The following RASGRF2 variants were observed in gnomAD, a reference collection of about 807,000 sequenced individuals.
RASGRF2 encodes ras-specific guanine nucleotide-releasing factor 2.
A neutral mutation model predicts 151.0 loss-of-function variants in RASGRF2; 76 were observed. The observed-to-expected ratio is 0.50, with a 90% CI of 0.42 to 0.61. The LOEUF is 0.61. Among genes scored for constraint, RASGRF2 ranks in the 20% least tolerant of loss-of-function variants. The probability of loss-of-function intolerance (pLI) is 0.00; values close to 1 mark genes in which losing one functional copy is unlikely to be tolerated. For synonymous variants in RASGRF2, 504 were observed against 566.5 expected, an observed-to-expected ratio of 0.89 and a Z score of 1.57; for missense variants, 1,148 against 1,564.6, an observed-to-expected ratio of 0.73 and a Z score of 4.49.
intron 18 of RASGRF2, among the ~76,000 whole-genome samples, chr5:81,182,185 A>AG (rs1332676064): frequency 6.6e-6 from 1 of 152,192 alleles, no homozygotes; most frequent in Non-Finnish European, 1.5e-5. Flanking sequence ...TCCCTCCAGC[A>AG]GGGGCATAGG....
intron 18 of RASGRF2, among the ~76,000 whole-genome samples, chr5:81,192,139 T>C (rs1755165193): frequency 6.6e-6 from 1 of 152,224 alleles, no homozygotes; most frequent in Non-Finnish European, 1.5e-5. Flanking sequence ...GTTTGAGGGC[T>C]GACCAGGAGC....
chr5:81,040,658 A>G (rs2112389194), intron 1 of RASGRF2, among the ~76,000 whole-genome samples: 1 of 152,264 alleles, frequency 6.6e-6, no homozygotes, highest in South Asian at 2.1e-4. Flanking sequence ...ACCCCCTTGG[A>G]TGTTAGAACC....
In RASGRF2 at chr5:81,226,041, G is replaced by A; in HGVS notation, c.*271G>A. On this transcript the variant is annotated 3_prime_UTR_variant, in exon 27 of 27. Transcript: ENST00000265080. ...AGGGAATGTCAGATGGGAGATGCTA[G>A]TTGCCATTTTAACAAAGCAGGTAAA... 3.2e-6 allele frequency: 1 copy of A among 317,220 alleles called. No individual in the cohort carries two copies. Among genetic ancestry groups the A allele is most frequent in the Non-Finnish European group, 5.7e-6 (1 of 175,538 alleles). The allele number at this position is 317,220 out of a possible 1,614,324, so 19.7% of individuals were successfully genotyped here. A position where few individuals can be genotyped will look rare whatever the true frequency, so the allele number is the denominator to read the frequency against.
chr5:81,041,634 T>C (rs1750682005), intron 1 of RASGRF2, among the ~76,000 whole-genome samples: 1 of 152,176 alleles, frequency 6.6e-6, no homozygotes, highest in South Asian at 2.1e-4. Flanking sequence ...CTAGCATGAG[T>C]TTGGGAGTCT....
chr5:81,010,555 A>G (rs1178696982), intron 1 of RASGRF2, among the ~76,000 whole-genome samples: 1 of 152,246 alleles, frequency 6.6e-6, no homozygotes. Context: ...GTAAAGTTCT[A>G]GGTAGTGCAC....
At chr5:81,077,551 T>G (rs2112472227) in intron 5 of RASGRF2, among the ~76,000 whole-genome samples, 1 of 152,300 alleles carries the variant, frequency 6.6e-6, no homozygotes, top group South Asian at 2.1e-4. Flanking sequence ...GGCTTTCTTT[T>G]GTTAAAAGGA....
chr5:81,070,891 T>A (rs1019240930), intron 4 of RASGRF2, among the ~76,000 whole-genome samples: 2 of 152,230 alleles, frequency 1.3e-5, no homozygotes, highest in Non-Finnish European at 2.9e-5. Context: ...GAATATTTTT[T>A]AAATTACATT....
intron 7 of RASGRF2, among the ~76,000 whole-genome samples, chr5:81,083,269 CTTTTT>C (rs199506836): frequency 0.28 from 40,523 of 143,040 alleles, 5,492 homozygotes; most frequent in Middle Eastern, 0.49. Context: ...AGGGTTCTCA[CTTTTT>C]TTTTTTTTTT....
At chr5:81,131,003 C>G (rs546098088) in intron 17 of RASGRF2, among the ~76,000 whole-genome samples, 18 of 152,250 alleles carry the variant, frequency 1.2e-4, no homozygotes, top group Non-Finnish European at 2.4e-4. Context: ...TCCCTTGACC[C>G]CATCTCCATC....
intron 22 of RASGRF2, 96 bp downstream of exon 22, chr5:81,208,534 CTTTTTTTTTTTTTTTTTTTTTTTTTT>C: frequency 4.0e-6 from 1 of 248,088 alleles, no homozygotes; most frequent in South Asian, 3.6e-5. Flanking sequence ...CTGTCACCCA[CTTTTTTTTTTTTTTTTTTTTTTTTTT>C]TTTTTTTTTG....
At chr5:81,081,250 C>G (rs1752076615) in intron 7 of RASGRF2, among the ~76,000 whole-genome samples, 1 of 152,108 alleles carries the variant, frequency 6.6e-6, no homozygotes, top group African/African-American at 2.4e-5. Flanking sequence ...GTCGCGGTTG[C>G]TGTTGAGTCT....
intron 7 of RASGRF2, among the ~76,000 whole-genome samples, chr5:81,083,855 G>A (rs1485455371): frequency 1.3e-5 from 2 of 152,196 alleles, no homozygotes; most frequent in African/African-American, 4.8e-5. Flanking sequence ...TGGAGAGCAA[G>A]CTAATTAATG....
chr5:81,007,961 C>G (rs1203310463), intron 1 of RASGRF2, among the ~76,000 whole-genome samples: 2 of 152,054 alleles, frequency 1.3e-5, no homozygotes, highest in Admixed American at 1.3e-4. Flanking sequence ...TTCCAATACC[C>G]TCAGCTTCCC....
intron 17 of RASGRF2, among the ~76,000 whole-genome samples, chr5:81,162,998 C>T (rs1561238835): frequency 6.6e-6 from 1 of 151,970 alleles, no homozygotes; most frequent in Non-Finnish European, 1.5e-5. Context: ...TGGTGGGGGG[C>T]ACTGGGAAAG....
intron 1 of RASGRF2, among the ~76,000 whole-genome samples, chr5:81,017,934 A>G (rs1259103019): frequency 2.1e-4 from 32 of 152,086 alleles, no homozygotes; most frequent in Non-Finnish European, 1.2e-4. Context: ...CCCATCTCTA[A>G]TAAAAATATA....
At chr5:80,974,233 A>G (rs1441797430) in intron 1 of RASGRF2, among the ~76,000 whole-genome samples, 2 of 152,248 alleles carry the variant, frequency 1.3e-5, no homozygotes, top group Non-Finnish European at 2.9e-5. Context: ...ATTCACATCC[A>G]CAAAGAAGGG....
chr5:81,218,880 G>C (rs1051111828), intron 25 of RASGRF2, among the ~76,000 whole-genome samples: 1 of 152,268 alleles, frequency 6.6e-6, no homozygotes, highest in African/African-American at 2.4e-5. Context: ...TCTTTCAGCA[G>C]TGTTTTGTAA....
chr5:81,093,748 A>T (rs1241182507), intron 10 of RASGRF2, among the ~76,000 whole-genome samples: 1 of 152,064 alleles, frequency 6.6e-6, no homozygotes, highest in Non-Finnish European at 1.5e-5. Context: ...ATAAAGTTTT[A>T]TTGGAACACA....
At chr5:81,114,384 A>G (rs1418376328) in intron 15 of RASGRF2, among the ~76,000 whole-genome samples, 1 of 152,250 alleles carries the variant, frequency 6.6e-6, no homozygotes, top group African/African-American at 2.4e-5. Flanking sequence ...CTAGGCTGGA[A>G]GTACCACAAT....
Sources: allele counts gnomAD v4.1 joint callset (sites outside exome capture counted in the v4.1 genomes callset), GRCh38; gene constraint gnomAD v4.1.1; transcripts MANE v1.5; gene names NCBI Gene and HGNC (gene_info 2026-07-23, HGNC 2026-07-21).